The following ADAMTSL1 variants were observed in gnomAD, a reference collection of about 807,000 sequenced individuals.
ADAMTSL1 encodes ADAMTS-like protein 1.
ADAMTSL1 carries 126 observed loss-of-function variants against 201.8 expected under a neutral mutation model. That is an observed-to-expected ratio of 0.62 (90% confidence interval 0.54 to 0.72). The LOEUF (loss-of-function observed/expected upper bound fraction) is 0.72, where lower values mean the gene tolerates loss of function less well. Ranked by LOEUF, ADAMTSL1 falls within the 30% of genes least tolerant of loss-of-function variation. The pLI, the probability that ADAMTSL1 is intolerant of heterozygous loss-of-function variation, is 0.00. For missense variants in ADAMTSL1, 2,679 were observed against 2,277.8 expected (o/e 1.18, Z -3.59); for synonymous variants, 1,121 against 903.4 (o/e 1.24, Z -4.32).
At chr9:18,683,869 G>A (rs917393269) in intron 12 of ADAMTSL1, among the ~76,000 whole-genome samples, 2 of 152,122 alleles carry the variant, frequency 1.3e-5, no homozygotes, top group Admixed American at 1.3e-4. Flanking sequence ...TAATTCTATG[G>A]TGCATATATG....
chr9:18,328,905 C>G (rs1247881855), intron 2 of ADAMTSL1, among the ~76,000 whole-genome samples: 1 of 152,202 alleles, frequency 6.6e-6, no homozygotes, highest in Non-Finnish European at 1.5e-5. Context: ...AGTCCTTCCT[C>G]TATTCCTCTC....
intron 2 of ADAMTSL1, among the ~76,000 whole-genome samples, chr9:18,300,667 G>A (rs185359037): frequency 1.3e-3 from 198 of 152,164 alleles, no homozygotes; most frequent in African/African-American, 4.0e-3. Flanking sequence ...ATGAATATAT[G>A]TCCCTAAAAC....
chr9:18,577,834 G>C (rs1215782897), intron 4 of ADAMTSL1, among the ~76,000 whole-genome samples: 1 of 152,004 alleles, frequency 6.6e-6, no homozygotes, highest in Non-Finnish European at 1.5e-5. Flanking sequence ...AAAACAAAAA[G>C]AGACCTTCTA....
intron 21 of ADAMTSL1, among the ~76,000 whole-genome samples, chr9:18,822,180 T>C (rs777282780): frequency 6.6e-6 from 1 of 152,222 alleles, no homozygotes; most frequent in Non-Finnish European, 1.5e-5. Context: ...TTGGATTTTG[T>C]TCTGTGGTAG....
chr9:18,286,484 G>A (rs1832997116), intron 2 of ADAMTSL1, among the ~76,000 whole-genome samples: 1 of 152,100 alleles, frequency 6.6e-6, no homozygotes. Context: ...GGGTCAGAGA[G>A]CAAGAAATCC....
intron 13 of ADAMTSL1, among the ~76,000 whole-genome samples, chr9:18,692,057 C>T (rs2133247510): frequency 6.6e-6 from 1 of 152,292 alleles, no homozygotes; most frequent in East Asian, 1.9e-4. Flanking sequence ...TAACTCAAAA[C>T]TCAGCTAGTG....
At chr9:18,158,205 C>T (rs183749007) in intron 1 of ADAMTSL1, among the ~76,000 whole-genome samples, 3 of 151,806 alleles carry the variant, frequency 2.0e-5, no homozygotes, top group African/African-American at 4.8e-5. Flanking sequence ...GCTGATTGAG[C>T]CTCTTCTGAT....
At chr9:18,326,384 G>T (rs1834831518) in intron 2 of ADAMTSL1, among the ~76,000 whole-genome samples, 1 of 150,984 alleles carries the variant, frequency 6.6e-6, no homozygotes, top group Non-Finnish European at 1.5e-5. Context: ...AATTCATCAA[G>T]TTATACACTT....
chr9:17,948,165 G>A (rs1305307711), intron 1 of ADAMTSL1, among the ~76,000 whole-genome samples: 1 of 152,122 alleles, frequency 6.6e-6, no homozygotes, highest in Admixed American at 6.6e-5. Flanking sequence ...AGGGTTCATT[G>A]CAAAATTACA....
intron 7 of ADAMTSL1, among the ~76,000 whole-genome samples, chr9:18,652,764 A>G (rs1340221015): frequency 1.3e-5 from 2 of 152,170 alleles, no homozygotes; most frequent in Non-Finnish European, 2.9e-5. Flanking sequence ...GTTTATCAGG[A>G]TATAACCCCA....
intron 2 of ADAMTSL1, among the ~76,000 whole-genome samples, chr9:18,416,936 G>A (rs1039741435): frequency 6.6e-6 from 1 of 151,942 alleles, no homozygotes; most frequent in Non-Finnish European, 1.5e-5. Context: ...GGACACTCTG[G>A]ACATTTATAG....
At chr9:18,617,805 T>C (rs2132646690) in intron 4 of ADAMTSL1, among the ~76,000 whole-genome samples, 1 of 152,318 alleles carries the variant, frequency 6.6e-6, no homozygotes, top group East Asian at 1.9e-4. Context: ...CTTACTTTTT[T>C]GTTACCTGAG....
intron 2 of ADAMTSL1, among the ~76,000 whole-genome samples, chr9:18,378,154 A>G (rs1238966382): frequency 6.6e-6 from 1 of 152,150 alleles, no homozygotes; most frequent in Non-Finnish European, 1.5e-5. Context: ...CTCATATCTC[A>G]TGGCTCTGAG....
At chr9:18,496,170 C>G (rs183658243) in intron 1 of ADAMTSL1, among the ~76,000 whole-genome samples, 474 of 152,268 alleles carry the variant, frequency 3.1e-3, no homozygotes, top group Non-Finnish European at 5.5e-3. Context: ...TTATTCTATA[C>G]TGACTCTTTG....
At chr9:18,819,803 T>G (rs560439172) in intron 21 of ADAMTSL1, among the ~76,000 whole-genome samples, 1 of 152,374 alleles carries the variant, frequency 6.6e-6, no homozygotes, top group South Asian at 2.1e-4. Context: ...TTAAACAAGA[T>G]ACTCATTCAA....
intron 23 of ADAMTSL1, among the ~76,000 whole-genome samples, chr9:18,887,206 T>C (rs1259048594): frequency 6.6e-6 from 1 of 152,216 alleles, no homozygotes; most frequent in African/African-American, 2.4e-5. Context: ...GGGTAGACAT[T>C]TGAGTTTATT....
chr9:18,254,417 C>CA (rs1349688877), intron 2 of ADAMTSL1, among the ~76,000 whole-genome samples: 2 of 114,858 alleles, frequency 1.7e-5, no homozygotes, highest in African/African-American at 6.7e-5. Flanking sequence ...GGCTGGAGTA[C>CA]AGTGGCGCGA....
intron 1 of ADAMTSL1, among the ~76,000 whole-genome samples, chr9:17,960,609 C>T (rs912883726): frequency 2.0e-5 from 3 of 152,114 alleles, no homozygotes; most frequent in African/African-American, 4.8e-5. Flanking sequence ...CCACTGTACC[C>T]GGTATGGGTG....
chr9:18,547,073 A>T (rs1465664185), intron 3 of ADAMTSL1, among the ~76,000 whole-genome samples: 1 of 152,150 alleles, frequency 6.6e-6, no homozygotes, highest in African/African-American at 2.4e-5. Context: ...GTACTTTCTT[A>T]TTACCATTTA....
Sources: allele counts gnomAD v4.1 joint callset (sites outside exome capture counted in the v4.1 genomes callset), GRCh38; gene constraint gnomAD v4.1.1; transcripts MANE v1.5; gene names NCBI Gene and HGNC (gene_info 2026-07-23, HGNC 2026-07-21).